Variants in COLGALT2 observed in about 807,000 individuals in gnomAD.
The protein encoded by COLGALT2 is procollagen galactosyltransferase 2.
Under a neutral mutation model 73.4 loss-of-function variants are expected in COLGALT2, and 49 were observed. The ratio of observed to expected loss-of-function variants is 0.67; its 90% confidence interval spans 0.53 to 0.85. The LOEUF (loss-of-function observed/expected upper bound fraction) is 0.85. COLGALT2 is among the 40% of genes least tolerant of loss of function. The pLI is 0.00. For missense variants in COLGALT2, 722 were observed against 790.2 expected, an observed-to-expected ratio of 0.91 and a Z score of 1.03; for synonymous variants, 295 against 307.6, an observed-to-expected ratio of 0.96 and a Z score of 0.43.
intron 1 of COLGALT2, among the ~76,000 whole-genome samples, chr1:184,030,094 T>C (rs893362337): frequency 1.3e-5 from 2 of 152,248 alleles, no homozygotes; most frequent in Non-Finnish European, 2.9e-5. Context: ...CTTTTTTTAT[T>C]ACTTTCCCAT....
At chr1:184,026,149 A>G (rs1343406905) in intron 1 of COLGALT2, among the ~76,000 whole-genome samples, 1 of 152,174 alleles carries the variant, frequency 6.6e-6, no homozygotes, top group African/African-American at 2.4e-5. Flanking sequence ...ACAGGACAAC[A>G]CAGATAGCGT....
Position 183,937,048 on chromosome 1 carries a change from A to G in COLGALT2, c.*1713T>C. On this transcript the variant is annotated 3_prime_UTR_variant, in exon 12 of 12. Transcript: ENST00000361927. ...CATGCTGTTCAACCTTAATGTGGCA[A>G]TCAGTATCACATGGGCAGTGAACTG... is the stretch of plus-strand genomic sequence containing the variant. 8.1e-7 allele frequency: 1 copy of G among 1,231,646 alleles called. No homozygotes were observed. Among genetic ancestry groups the G allele is most frequent in the Non-Finnish European group, 1.0e-6 (1 of 987,946 alleles). 76.3% of individuals were successfully genotyped at this position (1,231,646 alleles called of 1,614,324 possible).
At chr1:184,026,581 A>T (rs1235497894) in intron 1 of COLGALT2, among the ~76,000 whole-genome samples, 1 of 152,184 alleles carries the variant, frequency 6.6e-6, no homozygotes, top group Non-Finnish European at 1.5e-5. Flanking sequence ...GTGAATTTCT[A>T]AAAAGCCATA....
chr1:183,936,488 T>TTCTTAAA lies in COLGALT2; in HGVS notation c.*2266_*2272dup, dbSNP rs151252912. ...GTCCAAAGTCTTTTAAGAATGAGAG[T>TTCTTAAA]TCTTAAATCTGTCAGACCAGCTGAC... On this transcript the variant is annotated 3_prime_UTR_variant, in exon 12 of 12. Transcript: ENST00000361927. The TTCTTAAA allele has an allele frequency of 4.9e-3, 4,902 of 999,394 alleles. 58 individuals carry two copies. Among genetic ancestry groups the TTCTTAAA allele is most frequent in the African/African-American group, 0.033 (1,905 of 57,604 alleles). The allele number at this position is 999,394 out of a possible 1,614,324, so 61.9% of individuals were successfully genotyped here. A position where few individuals can be genotyped will look rare whatever the true frequency, so the allele number is the denominator to read the frequency against.
At chr1:183,929,780 C>G (rs571061433), downstream of COLGALT2, 226 of 154,350 alleles carry the variant, frequency 1.5e-3, no homozygotes, top group Admixed American at 4.0e-3. Context: ...CTAGACATCT[C>G]TCTTAAAATT....
intron 1 of COLGALT2, among the ~76,000 whole-genome samples, chr1:183,979,383 G>T (rs755677091): frequency 1.3e-5 from 2 of 152,198 alleles, no homozygotes; most frequent in African/African-American, 4.8e-5. Context: ...AGGCCAAAGA[G>T]TATTAAGATG....
At chr1:183,979,399 GA>G (rs1163289674) in intron 1 of COLGALT2, among the ~76,000 whole-genome samples, 1 of 151,828 alleles carries the variant, frequency 6.6e-6, no homozygotes, top group African/African-American at 2.4e-5. Flanking sequence ...AGATGACAAA[GA>G]AGGAGACTTT....
intron 1 of COLGALT2, among the ~76,000 whole-genome samples, chr1:183,981,010 C>G (rs1671334176): frequency 1.3e-5 from 2 of 152,090 alleles, no homozygotes; most frequent in African/African-American, 2.4e-5. Context: ...AATAACCACA[C>G]AGAATACAAT....
chr1:184,033,582 A>T (rs1317715114), intron 1 of COLGALT2, among the ~76,000 whole-genome samples: 1 of 152,242 alleles, frequency 6.6e-6, no homozygotes, highest in Non-Finnish European at 1.5e-5. Context: ...TCCTTTGTTC[A>T]GACTAATCTG....
At chr1:183,980,330 T>C (rs3010050) in intron 1 of COLGALT2, among the ~76,000 whole-genome samples, 95,612 of 151,800 alleles carry the variant, frequency 0.63, 32,098 homozygotes, top group Non-Finnish European at 0.76. Context: ...AAAGACAAGC[T>C]GTAGTTAACC....
At position 183,935,874 on chromosome 1, in the gene COLGALT2, A is replaced by G. The variant is rs1262863145; in HGVS notation, c.*2887T>C. On this transcript the variant is annotated 3_prime_UTR_variant, in exon 12 of 12. Transcript: ENST00000361927. ...TTTTTAATTTTTCACAAAGAGCTCCAGAAGGCAAATAGTTTATCACTTCCC... is the reference window on the plus strand; with the variant it reads ...TTTTTAATTTTTCACAAAGAGCTCCGGAAGGCAAATAGTTTATCACTTCCC... The G allele has an allele frequency of 3.0e-6, 3 of 985,364 alleles. No homozygotes were observed. The highest frequency in any genetic ancestry group is 3.6e-6 in the Non-Finnish European group (3 of 829,972). The allele number at this position is 985,364 out of a possible 1,614,324, so 61.0% of individuals were successfully genotyped here.
In COLGALT2 at chr1:183,954,801, T is replaced by G. The variant is rs1240694909; in HGVS notation, c.990A>C (p.Ser330=). Residue 330 remains serine, a synonymous_variant, in exon 7 of 12, where the codon TCA becomes TCC. Transcript: ENST00000361927. ...RPPMEPSQYV[S]VVPKYPDKMG... ...TCTTGTCTGGATATTTAGGGACAAC[T>G]GAGACATACTGGGAGGGTTCCATTG... 1 of 1,613,244 alleles carries G rather than the reference T, an allele frequency of 6.2e-7. No individual in the cohort carries two copies. Among genetic ancestry groups the G allele is most frequent in the Non-Finnish European group, 8.5e-7 (1 of 1,179,434 alleles).
chr1:183,995,856 A>C (rs1671756634), intron 1 of COLGALT2, among the ~76,000 whole-genome samples: 1 of 152,052 alleles, frequency 6.6e-6, no homozygotes, highest in South Asian at 2.1e-4. Flanking sequence ...CTTACATTTT[A>C]CTTTAAAAAT....
chr1:184,037,199 G>A lies in COLGALT2; in HGVS notation c.159C>T (p.Pro53=), dbSNP rs765633411. The A allele has an allele frequency of 6.2e-6, 10 of 1,605,026 alleles. No homozygotes were observed. The South Asian group carries it at 1.0e-4, about 16-fold the overall frequency. ...VVFPESPLQS[P]TVLVAVLARN... ...GGGCGAGGACCGCCACGAGCACCGT[G>A]GGGCTCTGCAGGGGCGACTCCGGGA... is the stretch of plus-strand genomic sequence containing the variant. Residue 53 remains proline, a synonymous_variant, in exon 1 of 12, where the codon CCC becomes CCT. Transcript: ENST00000361927.
intron 1 of COLGALT2, among the ~76,000 whole-genome samples, chr1:184,006,499 G>A (rs571561665): frequency 1.2e-4 from 19 of 152,072 alleles, no homozygotes; most frequent in South Asian, 1.2e-3. Flanking sequence ...CAGGAGAATC[G>A]CTTGAACCTG....
At chr1:184,007,589 A>C (rs868351754) in intron 1 of COLGALT2, among the ~76,000 whole-genome samples, 1 of 152,112 alleles carries the variant, frequency 6.6e-6, no homozygotes, top group African/African-American at 2.4e-5. Flanking sequence ...TTTTACCTTA[A>C]TCTGTGGGTA....
intron 1 of COLGALT2, among the ~76,000 whole-genome samples, chr1:184,018,386 A>C (rs1649073411): frequency 6.6e-6 from 1 of 152,132 alleles, no homozygotes; most frequent in South Asian, 2.1e-4. Context: ...TTGTTGCCCT[A>C]TAGTATTTTA....
intron 1 of COLGALT2, among the ~76,000 whole-genome samples, chr1:183,984,369 C>T (rs1671432214): frequency 6.6e-6 from 1 of 152,242 alleles, no homozygotes; most frequent in South Asian, 2.1e-4. Flanking sequence ...CGTGCCACTG[C>T]ACTCCAGCCT....
intron 6 of COLGALT2, among the ~76,000 whole-genome samples, chr1:183,955,932 G>C (rs1355534014): frequency 6.6e-6 from 1 of 152,152 alleles, no homozygotes; most frequent in Admixed American, 6.5e-5. Context: ...ATAGTGTGGT[G>C]CTGCTGCTCC....
Sources: allele counts gnomAD v4.1 joint callset (sites outside exome capture counted in the v4.1 genomes callset), GRCh38; gene constraint gnomAD v4.1.1; transcripts MANE v1.5; gene names NCBI Gene and HGNC (gene_info 2026-07-23, HGNC 2026-07-21).